WDR70: variants seen among roughly 807,000 people sequenced by gnomAD.
WDR70 encodes WD repeat-containing protein 70.
Under a neutral mutation model 88.6 loss-of-function variants are expected in WDR70, and 53 were observed. The observed-to-expected ratio is 0.60, with a 90% CI of 0.48 to 0.75. The LOEUF (loss-of-function observed/expected upper bound fraction) is 0.75. WDR70 is among the 30% of genes least tolerant of loss of function. The pLI is 0.00. For missense variants in WDR70, 610 were observed against 823.2 expected, an observed-to-expected ratio of 0.74 and a Z score of 3.17; for synonymous variants, 280 against 270.0, an observed-to-expected ratio of 1.04 and a Z score of -0.36.
Position 37,735,909 on chromosome 5 carries a change from A to C in WDR70, c.1877+8864A>C, listed in dbSNP as rs115916903. Among the ~76,000 whole-genome samples, 1,269 of 152,296 alleles carry C rather than the reference A, an allele frequency of 8.3e-3. 20 individuals carry two copies. Among genetic ancestry groups the C allele is most frequent in the African/African-American group, 0.029 (1,208 of 41,552 alleles). ...TGCCTACACATGACATACACTCACC[A>C]ATATCCACTGGTGATGATAACAAAG... On this transcript the variant is annotated intron_variant, in intron 17 of 17. Coordinates refer to ENST00000265107, the MANE Select transcript of WDR70 (RefSeq NM_018034.4).
At chr5:37,738,172 A>G (rs749495426) in intron 17 of WDR70, among the ~76,000 whole-genome samples, 1 of 152,186 alleles carries the variant, frequency 6.6e-6, no homozygotes, top group Admixed American at 6.5e-5. Context: ...GTCAGAGTTC[A>G]TCTGGGCCAT....
chr5:37,653,628 G>A (rs1490975925), intron 10 of WDR70, among the ~76,000 whole-genome samples: 2 of 152,256 alleles, frequency 1.3e-5, no homozygotes, highest in East Asian at 3.9e-4. Flanking sequence ...CTTGTTATTG[G>A]TCTATTCAGG....
At chr5:37,686,555 C>T (rs1561070897) in intron 10 of WDR70, among the ~76,000 whole-genome samples, 1 of 150,846 alleles carries the variant, frequency 6.6e-6, no homozygotes, top group African/African-American at 2.4e-5. Flanking sequence ...ACTGAGACCA[C>T]CACCCCCGGC....
At chr5:37,466,289 T>C (rs1739147188) in intron 7 of WDR70, among the ~76,000 whole-genome samples, 1 of 152,210 alleles carries the variant, frequency 6.6e-6, no homozygotes, top group African/African-American at 2.4e-5. Flanking sequence ...TCATCTATAT[T>C]ATGAGGCAGT....
At chr5:37,516,617 T>A in intron 9 of WDR70, 27 bp downstream of exon 9, 2 of 1,477,372 alleles carry the variant, frequency 1.4e-6, no homozygotes, top group Non-Finnish European at 1.9e-6. Flanking sequence ...ATTCATCTAA[T>A]ACATTCATAT....
chr5:37,656,863 C>T (rs371591888), intron 10 of WDR70, among the ~76,000 whole-genome samples: 18 of 152,268 alleles, frequency 1.2e-4, no homozygotes, highest in East Asian at 1.2e-3. Flanking sequence ...TTCAAGCCAG[C>T]GGATCTTAGC....
intron 5 of WDR70, among the ~76,000 whole-genome samples, chr5:37,432,676 A>G (rs1038486579): frequency 6.6e-6 from 1 of 150,888 alleles, no homozygotes; most frequent in Admixed American, 6.6e-5. Context: ...GATTACAGGC[A>G]TGAGCCACCG....
At chr5:37,393,079 G>T (rs765664235) in intron 4 of WDR70, among the ~76,000 whole-genome samples, 9 of 151,820 alleles carry the variant, frequency 5.9e-5, no homozygotes, top group Non-Finnish European at 1.2e-4. Context: ...GTCTCACTCT[G>T]TTGCCCAGGC....
chr5:37,611,737 T>G (rs1744197032), intron 10 of WDR70, among the ~76,000 whole-genome samples: 1 of 151,718 alleles, frequency 6.6e-6, no homozygotes, highest in African/African-American at 2.4e-5. Flanking sequence ...GAAGAACTCA[T>G]GTTTCATTTC....
intron 7 of WDR70, among the ~76,000 whole-genome samples, chr5:37,463,980 T>A (rs188126164): frequency 6.6e-6 from 1 of 152,304 alleles, no homozygotes; most frequent in African/African-American, 2.4e-5. Flanking sequence ...AGAAAAACAA[T>A]GTGAATATTA....
rs182918907 is a variant in WDR70 at position 37,599,886 on chromosome 5, C to T, written c.918-5178C>T. Among the ~76,000 whole-genome samples, 705 of 139,162 alleles carry T rather than the reference C, an allele frequency of 5.1e-3. 3 individuals carry two copies. The highest frequency in any genetic ancestry group is 8.3e-3 in the Admixed American group (111 of 13,296). 91.3% of individuals were successfully genotyped at this position (139,162 alleles called of 152,430 possible). A position where few individuals can be genotyped will look rare whatever the true frequency, so the allele number is the denominator to read the frequency against. Reference sequence around the variant, plus strand: ...CTAGCCTGGGCCACCGAGCAAGACTCCATCTCAAAAAAGAAAAAAAAAAAA... The same window carrying T: ...CTAGCCTGGGCCACCGAGCAAGACTTCATCTCAAAAAAGAAAAAAAAAAAA... On this transcript the variant is annotated intron_variant, in intron 9 of 17. Transcript: ENST00000265107.
At chr5:37,625,648 C>T (rs1206923421) in intron 10 of WDR70, among the ~76,000 whole-genome samples, 1 of 152,072 alleles carries the variant, frequency 6.6e-6, no homozygotes. Flanking sequence ...CCTCAGCCTC[C>T]TGAGTAGTTG....
intron 9 of WDR70, among the ~76,000 whole-genome samples, chr5:37,597,452 A>T (rs1743736708): frequency 6.6e-6 from 1 of 152,122 alleles, no homozygotes; most frequent in Admixed American, 6.6e-5. Flanking sequence ...TAGTTATGTT[A>T]AGGATCTTTC....
intron 9 of WDR70, among the ~76,000 whole-genome samples, chr5:37,548,389 G>A (rs1418064115): frequency 6.6e-6 from 1 of 152,134 alleles, no homozygotes; most frequent in Non-Finnish European, 1.5e-5. Flanking sequence ...CTGGTGATCA[G>A]TGATGCTGAG....
chr5:37,445,688 C>T (rs1164571156), intron 7 of WDR70, among the ~76,000 whole-genome samples: 1 of 152,260 alleles, frequency 6.6e-6, no homozygotes, highest in East Asian at 1.9e-4. Flanking sequence ...AAGACAAAAA[C>T]CACTTGATTA....
rs188331994 is a variant in WDR70, at chr5:37,615,255, A to G, written c.1092+10017A>G. Among the ~76,000 whole-genome samples the G allele has an allele frequency of 2.7e-4, 41 of 152,242 alleles. 1 individual carries two copies. In the Middle Eastern group the frequency reaches 0.01, roughly 38 times the overall value. ...AATACAGGAGAGGGAGGTTGGAATT[A>G]GGTAAGAAAGAGTTACTAAAAATAA... On this transcript the variant is annotated intron_variant, in intron 10 of 17. Transcript: ENST00000265107.
At chr5:37,556,988 G>T (rs1742310631) in intron 9 of WDR70, among the ~76,000 whole-genome samples, 1 of 152,170 alleles carries the variant, frequency 6.6e-6, no homozygotes, top group South Asian at 2.1e-4. Context: ...ATATGGAGGG[G>T]TTTCACTGGG....
chr5:37,425,492 T>C (rs1186485975), intron 5 of WDR70, among the ~76,000 whole-genome samples: 2 of 152,088 alleles, frequency 1.3e-5, no homozygotes, highest in Non-Finnish European at 2.9e-5. Context: ...GAACAGCTAG[T>C]GTAAAGGCCC....
intron 9 of WDR70, among the ~76,000 whole-genome samples, chr5:37,593,379 T>C (rs1356537106): frequency 2.0e-5 from 3 of 150,914 alleles, no homozygotes; most frequent in Non-Finnish European, 4.4e-5. Context: ...AATTCCCACC[T>C]ATGAGTGAGA....
Sources: gnomAD v4.1 joint callset for allele counts (sites outside exome capture counted in the v4.1 genomes callset) on GRCh38, gnomAD v4.1.1 for gene constraint, MANE v1.5 for transcripts, NCBI Gene and HGNC (gene_info 2026-07-23, HGNC 2026-07-21) for gene names.